The following PCMTD2 variants were observed in gnomAD, a reference collection of about 807,000 sequenced individuals.
PCMTD2 encodes protein-L-isoaspartate (D-aspartate) O-methyltransferase domain containing 2.
Under a neutral mutation model 33.4 loss-of-function variants are expected in PCMTD2, and 16 were observed. The observed-to-expected ratio is 0.48, with a 90% CI of 0.32 to 0.73. The LOEUF is 0.73. Ranked by LOEUF, PCMTD2 falls within the 30% of genes least tolerant of loss-of-function variation. PCMTD2 has a pLI of 0.03. For synonymous variants in PCMTD2, 161 were observed against 160.8 expected, an observed-to-expected ratio of 1.00 and a Z score of -0.01; for missense variants, 374 against 449.9, an observed-to-expected ratio of 0.83 and a Z score of 1.53.
chr20:64,268,141 T>TGC, intron 5 of PCMTD2, 131 bp downstream of exon 5: 2 of 410,176 alleles, frequency 4.9e-6, no homozygotes, highest in South Asian at 5.8e-5. Context: ...AACTGTAAAA[T>TGC]TCTACAAGCA....
Position 64,255,863 on chromosome 20 carries a change from G to A in PCMTD2, c.-32G>A, listed in dbSNP as rs1419913304. ...CGGTCCGAACCCGTCGGCCGGCCGA[G>A]CCTGGAGGTAGAGCCGCCGCCGCCG... On this transcript the variant is annotated 5_prime_UTR_variant, in exon 1 of 6. Transcript: ENST00000308824. 1 of 154,488 alleles carries A rather than the reference G, an allele frequency of 6.5e-6. No homozygotes were observed. Among genetic ancestry groups the A allele is most frequent in the Non-Finnish European group, 1.4e-5 (1 of 70,348 alleles). 9.6% of individuals were successfully genotyped at this position (154,488 alleles called of 1,614,324 possible).
At chr20:64,264,336 T>C (rs756256722) in intron 2 of PCMTD2, 93 bp from the exon 3 acceptor site, 6 of 699,502 alleles carry the variant, frequency 8.6e-6, no homozygotes, top group Non-Finnish European at 1.3e-5. Flanking sequence ...GTTACACATG[T>C]TAAGTCAGAC....
Position 64,276,183 on chromosome 20 carries a change from G to A in PCMTD2, c.*2583G>A, listed in dbSNP as rs1446253650. ...TTCTGTGACAGTCACAATAGATGTA[G>A]AGAAGGCATTATTTTTCATTAATAA... On this transcript the variant is annotated 3_prime_UTR_variant, in exon 6 of 6. Coordinates refer to ENST00000308824, the MANE Select transcript of PCMTD2 (RefSeq NM_018257.3). The A allele has an allele frequency of 1.3e-5, 2 of 152,182 alleles. No individual in the cohort carries two copies. Among genetic ancestry groups the A allele is most frequent in the African/African-American group, 4.8e-5 (2 of 41,444 alleles). 9.4% of individuals were successfully genotyped at this position (152,182 alleles called of 1,614,324 possible). A position where few individuals can be genotyped will look rare whatever the true frequency, so the allele number is the denominator to read the frequency against.
Position 64,274,699 on chromosome 20 carries a change from C to T in PCMTD2, c.*1099C>T, listed in dbSNP as rs1245591207. The T allele has an allele frequency of 1.3e-5, 2 of 152,154 alleles. No individual in the cohort carries two copies. The highest frequency in any genetic ancestry group is 1.3e-4 in the Admixed American group (2 of 15,272). 9.4% of individuals were successfully genotyped at this position (152,154 alleles called of 1,614,324 possible). On this transcript the variant is annotated 3_prime_UTR_variant, in exon 6 of 6. Transcript: ENST00000308824. ...AGACCAAATGTATGTATTTTAGTAG[C>T]TCCATTGCATGAGAAGAGTGTAACT...
At position 64,275,566 on chromosome 20, in the gene PCMTD2, C is replaced by A. The variant is rs150992961; in HGVS notation, c.*1966C>A. 6.6e-6 allele frequency: 1 copy of A among 151,796 alleles called. No individual in the cohort carries two copies. Among genetic ancestry groups the A allele is most frequent in the African/African-American group, 2.4e-5 (1 of 41,276 alleles). The allele number at this position is 151,796 out of a possible 1,614,324, so 9.4% of individuals were successfully genotyped here. Reference sequence around the variant, plus strand: ...TGTTGTCAGTGTGTGATTTTTAAACCGGAATTTGGTTTAAAAAAAATCTGG... The same window carrying A: ...TGTTGTCAGTGTGTGATTTTTAAACAGGAATTTGGTTTAAAAAAAATCTGG... On this transcript the variant is annotated 3_prime_UTR_variant, in exon 6 of 6. Transcript: ENST00000308824.
intron 5 of PCMTD2, among the ~76,000 whole-genome samples, chr20:64,269,751 CATGTGTGGACATTTGCAGTGTGGGGTA>C: frequency 6.9e-6 from 1 of 144,106 alleles, no homozygotes; most frequent in South Asian, 2.3e-4. Context: ...AATGTGGGGT[CATGTGTGGACATTTGCAGTGTGGGGTA>C]ATGTGTGTGT....
chr20:64,267,981 A>T lies in PCMTD2; in HGVS notation c.677A>T (p.Glu226Val). 1 of 1,613,302 alleles carries T rather than the reference A, an allele frequency of 6.2e-7. No homozygotes were observed. Among genetic ancestry groups the T allele is most frequent in the Non-Finnish European group, 8.5e-7 (1 of 1,179,318 alleles). The change falls in exon 5 of 6, where the codon GAG becomes GTG. Residue 226 changes from glutamate (E) to valine (V), a missense_variant. Coordinates refer to ENST00000308824, the MANE Select transcript of PCMTD2 (RefSeq NM_018257.3). Reference protein sequence around the residue: ...FAPLIQPCHSESGKSRLVQLP... With the variant: ...FAPLIQPCHSVSGKSRLVQLP... The stretch of plus-strand genomic sequence containing the variant: ...CCTCTGATCCAGCCCTGCCATTCAG[A>T]GTCAGGAAAATCAAGACTTGTCCAG...
Position 64,274,305 on chromosome 20 carries a change from T to G in PCMTD2, c.*705T>G, listed in dbSNP as rs1490351724. 6.6e-6 allele frequency: 1 copy of G among 152,050 alleles called. No homozygotes were observed. The highest frequency in any genetic ancestry group is 6.5e-5 in the Admixed American group (1 of 15,272). The allele number at this position is 152,050 out of a possible 1,614,324, so 9.4% of individuals were successfully genotyped here. A position where few individuals can be genotyped will look rare whatever the true frequency, so the allele number is the denominator to read the frequency against. The stretch of plus-strand genomic sequence containing the variant: ...CGAGAGAATTCCAAAGAGGGTTTTT[T>G]TTTTTTTTTTTAGGACATCTTTTGA... On this transcript the variant is annotated 3_prime_UTR_variant, in exon 6 of 6. Coordinates refer to ENST00000308824, the MANE Select transcript of PCMTD2 (RefSeq NM_018257.3).
At position 64,274,793 on chromosome 20, in the gene PCMTD2, T is replaced by C. The variant is rs925234404; in HGVS notation, c.*1193T>C. On this transcript the variant is annotated 3_prime_UTR_variant, in exon 6 of 6. Coordinates refer to ENST00000308824, the MANE Select transcript of PCMTD2 (RefSeq NM_018257.3). ...GAGAGCTTTCTATCTTACCAAGTGG[T>C]AGGGCTAAAAGAACAACAGCCTTTT... is the stretch of plus-strand genomic sequence containing the variant. 6.6e-6 allele frequency: 1 copy of C among 152,234 alleles called. No individual in the cohort carries two copies. The highest frequency in any genetic ancestry group is 2.4e-5 in the African/African-American group (1 of 41,458). The allele number at this position is 152,234 out of a possible 1,614,324, so 9.4% of individuals were successfully genotyped here. A position where few individuals can be genotyped will look rare whatever the true frequency, so the allele number is the denominator to read the frequency against.
At chr20:64,270,119 C>T (rs1012862060) in intron 5 of PCMTD2, among the ~76,000 whole-genome samples, 2 of 99,600 alleles carry the variant, frequency 2.0e-5, no homozygotes, top group Non-Finnish European at 4.0e-5. Flanking sequence ...GGTATGGGGT[C>T]GTGTGAGTGC....
chr20:64,260,506 C>G (rs1985365747), intron 2 of PCMTD2, among the ~76,000 whole-genome samples: 1 of 152,182 alleles, frequency 6.6e-6, no homozygotes, highest in Non-Finnish European at 1.5e-5. Context: ...TCTGTCCCCT[C>G]TTCCTGTGCT....
Position 64,275,326 on chromosome 20 carries a change from C to T in PCMTD2, c.*1726C>T, listed in dbSNP as rs1986065362. On this transcript the variant is annotated 3_prime_UTR_variant, in exon 6 of 6. Coordinates refer to ENST00000308824, the MANE Select transcript of PCMTD2 (RefSeq NM_018257.3). Reference sequence around the variant, plus strand: ...ATTCTAACTGATACGTAGACACTTACTTGGAAATTTTTGGACATTATATTA... The same window carrying T: ...ATTCTAACTGATACGTAGACACTTATTTGGAAATTTTTGGACATTATATTA... 1 of 152,086 alleles carries T rather than the reference C, an allele frequency of 6.6e-6. No homozygotes were observed. The highest frequency in any genetic ancestry group is 1.5e-5 in the Non-Finnish European group (1 of 68,008). The allele number at this position is 152,086 out of a possible 1,614,324, so 9.4% of individuals were successfully genotyped here.
At chr20:64,265,919 C>T (rs1985640189) in intron 4 of PCMTD2, among the ~76,000 whole-genome samples, 1 of 152,102 alleles carries the variant, frequency 6.6e-6, no homozygotes, top group Non-Finnish European at 1.5e-5. Flanking sequence ...TTTGGTCATG[C>T]TTGTTTGTCT....
At chr20:64,271,907 T>C (rs1391591219) in intron 5 of PCMTD2, 1 of 209,394 alleles carries the variant, frequency 4.8e-6, no homozygotes, top group African/African-American at 2.3e-5. Context: ...CAGATCCCAG[T>C]GGCTCTGGAA....
Position 64,255,806 on chromosome 20 carries a change from C to A in PCMTD2, c.-89C>A, listed in dbSNP as rs1472298983. On this transcript the variant is annotated 5_prime_UTR_variant, in exon 1 of 6. Coordinates refer to ENST00000308824, the MANE Select transcript of PCMTD2 (RefSeq NM_018257.3). ...TGCTCGGCCGCGGACACACGAGGGA[C>A]GCGCCCGAGGAGCTGCAGGTGGCAG... 2 of 162,236 alleles carry A rather than the reference C, an allele frequency of 1.2e-5. No individual in the cohort carries two copies. The highest frequency in any genetic ancestry group is 3.3e-4 in the South Asian group (2 of 6,092). The allele number at this position is 162,236 out of a possible 1,614,324, so 10.0% of individuals were successfully genotyped here.
At chr20:64,263,242 C>A (rs1363028490) in intron 2 of PCMTD2, among the ~76,000 whole-genome samples, 1 of 152,124 alleles carries the variant, frequency 6.6e-6, no homozygotes, top group Non-Finnish European at 1.5e-5. Context: ...ATGTTGTAAA[C>A]AGTGAAAAGG....
intron 2 of PCMTD2, among the ~76,000 whole-genome samples, chr20:64,261,283 A>C (rs1484857162): frequency 6.6e-6 from 1 of 152,212 alleles, no homozygotes; most frequent in East Asian, 1.9e-4. Context: ...AGCAGGGGCC[A>C]GGCTGCTGAG....
chr20:64,272,052 C>T (rs915320555), intron 5 of PCMTD2: 4 of 376,452 alleles, frequency 1.1e-5, no homozygotes, highest in East Asian at 1.4e-4. Context: ...AAGGAAGTGC[C>T]GGAGCCTGTC....
At chr20:64,272,001 G>A in intron 5 of PCMTD2, 1 of 342,030 alleles carries the variant, frequency 2.9e-6, no homozygotes, top group Non-Finnish European at 5.8e-6. Flanking sequence ...GGGGCAAGAG[G>A]CACGATCGTG....
Sources: allele counts gnomAD v4.1 joint callset (sites outside exome capture counted in the v4.1 genomes callset), GRCh38; gene constraint gnomAD v4.1.1; transcripts MANE v1.5; gene names NCBI Gene and HGNC (gene_info 2026-07-23, HGNC 2026-07-21).